The following PCDH7 variants were observed in gnomAD, a reference collection of about 807,000 sequenced individuals.
PCDH7 encodes the protein protocadherin 7, also known as protocadherin-7.
Under a neutral mutation model 58.9 loss-of-function variants are expected in PCDH7, and 17 were observed. The ratio of observed to expected loss-of-function variants is 0.29; its 90% CI spans 0.20 to 0.43. The LOEUF (loss-of-function observed/expected upper bound fraction) is 0.43, where lower values mean the gene tolerates loss of function less well. Among genes scored for constraint, PCDH7 ranks in the 20% least tolerant of loss-of-function variants. PCDH7 has a pLI of 1.00. For missense variants in PCDH7, 1,274 were observed against 1,441.0 expected (o/e 0.88, Z 1.88); for synonymous variants, 664 against 616.4 (o/e 1.08, Z -1.14).
chr4:30,835,340 T>C (rs1016094035), intron 1 of PCDH7, among the ~76,000 whole-genome samples: 4 of 151,920 alleles, frequency 2.6e-5, no homozygotes, highest in Non-Finnish European at 5.9e-5. Context: ...AGACGAGCGG[T>C]GGCATTAGAT....
intron 3 of PCDH7, among the ~76,000 whole-genome samples, chr4:30,956,205 G>A (rs1265262897): frequency 6.6e-6 from 1 of 150,980 alleles, no homozygotes; most frequent in Admixed American, 6.6e-5. Context: ...TCCAGCCTGG[G>A]CAACAGAGTG....
At chr4:31,063,664 GGTCTT>G (rs1364266395) in intron 3 of PCDH7, among the ~76,000 whole-genome samples, 1 of 151,652 alleles carries the variant, frequency 6.6e-6, no homozygotes, top group Non-Finnish European at 1.5e-5. Context: ...TTTAAATAAT[GGTCTT>G]GTCTTCTTTA....
At chr4:30,844,512 G>A (rs565374768) in intron 1 of PCDH7, among the ~76,000 whole-genome samples, 1 of 152,102 alleles carries the variant, frequency 6.6e-6, no homozygotes, top group East Asian at 1.9e-4. Flanking sequence ...TTCATACTTG[G>A]AGCTTTTCTA....
intron 3 of PCDH7, among the ~76,000 whole-genome samples, chr4:31,041,485 A>T (rs1177385802): frequency 5.9e-5 from 9 of 152,158 alleles, no homozygotes; most frequent in African/African-American, 2.2e-4. Flanking sequence ...TTCACAAGTG[A>T]AAATCAAACC....
chr4:30,842,375 G>A (rs1012518719), intron 1 of PCDH7, among the ~76,000 whole-genome samples: 18 of 151,946 alleles, frequency 1.2e-4, no homozygotes, highest in African/African-American at 4.3e-4. Flanking sequence ...ATCTTTTTAT[G>A]AATTTTATTG....
chr4:31,043,137 C>T (rs962804126), intron 3 of PCDH7, among the ~76,000 whole-genome samples: 2 of 152,130 alleles, frequency 1.3e-5, no homozygotes, highest in Non-Finnish European at 2.9e-5. Context: ...TTAAAGACCT[C>T]ATCTCGTAAT....
rs763632537 is a variant in PCDH7, at chr4:30,771,905, C to T, written c.70+47309C>T. 8.1e-4 allele frequency among the ~76,000 whole-genome samples: 124 copies of T among 152,162 alleles called. 2 individuals carry two copies. The highest frequency in any genetic ancestry group is 7.2e-4 in the African/African-American group (30 of 41,512). On this transcript the variant is annotated intron_variant, in intron 1 of 3. Coordinates refer to the PCDH7 transcript ENST00000509759. ...TTTTTCTTTGAGATGGAGTTTTGCT[C>T]TGTCGCCCAGGCTGGAGTGCATTGG... is the stretch of plus-strand genomic sequence containing the variant.
At chr4:31,013,401 A>G (rs373762688) in intron 3 of PCDH7, among the ~76,000 whole-genome samples, 7 of 151,328 alleles carry the variant, frequency 4.6e-5, no homozygotes, top group Non-Finnish European at 1.0e-4. Flanking sequence ...ATATAGACAT[A>G]CATATTATAT....
chr4:30,912,340 GC>G (rs1281491878), intron 1 of PCDH7, among the ~76,000 whole-genome samples: 1 of 152,132 alleles, frequency 6.6e-6, no homozygotes, highest in Non-Finnish European at 1.5e-5. Context: ...ATTAATCAGT[GC>G]CTGTTCATTT....
chr4:30,765,829 G>A (rs1161625395), intron 1 of PCDH7, among the ~76,000 whole-genome samples: 1 of 152,128 alleles, frequency 6.6e-6, no homozygotes, highest in Non-Finnish European at 1.5e-5. Flanking sequence ...AATGACTTTG[G>A]ATATTCAGGT....
At chr4:30,734,080 A>C (rs1348882171), downstream of PCDH7, among the ~76,000 whole-genome samples, 1 of 148,284 alleles carries the variant, frequency 6.7e-6, no homozygotes, top group Non-Finnish European at 1.5e-5. Flanking sequence ...AAAAAAAAAC[A>C]CACAAAAAAC....
chr4:30,898,706 T>G (rs938930796), intron 1 of PCDH7, among the ~76,000 whole-genome samples: 5 of 152,298 alleles, frequency 3.3e-5, no homozygotes, highest in Non-Finnish European at 5.9e-5. Context: ...GTGTCCTGCG[T>G]GAGCCTCCCG....
chr4:31,088,182 A>G (rs1712725363), intron 3 of PCDH7, among the ~76,000 whole-genome samples: 2 of 152,210 alleles, frequency 1.3e-5, no homozygotes, highest in East Asian at 3.9e-4. Flanking sequence ...GTAGACATTC[A>G]TAATGAGATT....
downstream of PCDH7, among the ~76,000 whole-genome samples, chr4:30,735,781 G>A (rs1716163015): frequency 6.6e-6 from 1 of 152,162 alleles, no homozygotes; most frequent in South Asian, 2.1e-4. Flanking sequence ...AAAAGCAAAT[G>A]TTTGTGGCCT....
Position 30,723,589 on chromosome 4 carries a change from T to C in PCDH7, c.2167T>C (p.Ser723Pro). 1 of 1,614,196 alleles carries C rather than the reference T, an allele frequency of 6.2e-7. No individual in the cohort carries two copies. The highest frequency in any genetic ancestry group is 8.5e-7 in the Non-Finnish European group (1 of 1,180,036). ...TGTGGATGGGGGAGATCCTCCCAGA[T>C]CTGCCACAGCTACAGTCTCGCTTTT... is the stretch of plus-strand genomic sequence containing the variant. Residue 723 changes from serine to proline, a missense_variant, in exon 1 of 2, where the codon TCT becomes CCT. Transcript: ENST00000361762. This position sits in a 1 kb window ranked among gnomAD's most constrained non-coding sequence, Gnocchi z 4.6.
chr4:30,818,862 A>G (rs1728013313), intron 1 of PCDH7, among the ~76,000 whole-genome samples: 1 of 152,076 alleles, frequency 6.6e-6, no homozygotes, highest in Non-Finnish European at 1.5e-5. Context: ...AAGATTACAA[A>G]ACAGGGCTCA....
At chr4:30,884,027 C>CT (rs1737349675) in intron 1 of PCDH7, among the ~76,000 whole-genome samples, 1 of 152,114 alleles carries the variant, frequency 6.6e-6, no homozygotes, top group African/African-American at 2.4e-5. Flanking sequence ...AGGAAAAGTA[C>CT]TTTTTCCTGG....
At chr4:31,051,832 G>GT (rs1756757427) in intron 3 of PCDH7, among the ~76,000 whole-genome samples, 1 of 139,628 alleles carries the variant, frequency 7.2e-6, no homozygotes, top group African/African-American at 3.1e-5. Flanking sequence ...TTGGGTGTGT[G>GT]TGGGGGGCGG....
At chr4:30,769,482 G>A (rs894844553) in intron 1 of PCDH7, among the ~76,000 whole-genome samples, 6 of 152,154 alleles carry the variant, frequency 3.9e-5, no homozygotes, top group African/African-American at 1.2e-4. Context: ...GCCTTCCCAG[G>A]TAGAGACTAA....
Sources: allele counts gnomAD v4.1 joint callset (sites outside exome capture counted in the v4.1 genomes callset), GRCh38; gene constraint gnomAD v4.1.1; non-coding constraint Gnocchi (gnomAD v3.1); transcripts MANE v1.5; gene names NCBI Gene and HGNC (gene_info 2026-07-23, HGNC 2026-07-21).